PPARD: variants seen among roughly 807,000 people sequenced by gnomAD.
PPARD encodes the protein peroxisome proliferator-activated receptor delta.
A neutral mutation model predicts 39.5 loss-of-function variants in PPARD; 6 were observed. The ratio of observed to expected loss-of-function variants is 0.15; its 90% CI spans 0.08 to 0.30. PPARD has a LOEUF of 0.30. PPARD is among the 10% of genes least tolerant of loss of function. The probability of loss-of-function intolerance (pLI) is 1.00; values close to 1 mark genes in which losing one functional copy is unlikely to be tolerated. For missense variants in PPARD, 397 were observed against 596.8 expected (o/e 0.67, Z 3.49); for synonymous variants, 210 against 231.3 (o/e 0.91, Z 0.83).
intron 2 of PPARD, among the ~76,000 whole-genome samples, chr6:35,369,722 T>C (rs1353914432): frequency 6.6e-6 from 1 of 152,228 alleles, no homozygotes; most frequent in African/African-American, 2.4e-5. Flanking sequence ...TCTAATCTTA[T>C]TTAATCAGTC....
chr6:35,417,785 C>T (rs1376255838), intron 3 of PPARD, among the ~76,000 whole-genome samples: 2 of 152,236 alleles, frequency 1.3e-5, no homozygotes, highest in Admixed American at 6.5e-5. Flanking sequence ...CCGCGTCGGC[C>T]TCCCAAAGTG....
chr6:35,400,307 G>A (rs759224316), intron 2 of PPARD, among the ~76,000 whole-genome samples: 10 of 152,148 alleles, frequency 6.6e-5, no homozygotes, highest in Non-Finnish European at 2.9e-5. Context: ...ATTCACAGGC[G>A]AGCAAGAGCC....
intron 2 of PPARD, among the ~76,000 whole-genome samples, chr6:35,387,971 C>T (rs1763774088): frequency 6.6e-6 from 1 of 151,638 alleles, no homozygotes; most frequent in South Asian, 2.1e-4. Context: ...ATCTGCCCAC[C>T]TCGGCCTCCC....
In PPARD at chr6:35,424,204, G is replaced by A. The variant is rs544873669; in HGVS notation, c.627+56G>A. On this transcript the variant is annotated intron_variant, in intron 6 of 7. Coordinates refer to ENST00000360694, the MANE Select transcript of PPARD (RefSeq NM_006238.5). This position sits in a 1 kb window ranked among gnomAD's most constrained non-coding sequence, Gnocchi z 7.1. ...ATCCTGGGCTCTGGGTCCCACTGCCGCCTGCCTGACTCCGGGAGAGCCAGG... is the reference window on the plus strand; with the variant it reads ...ATCCTGGGCTCTGGGTCCCACTGCCACCTGCCTGACTCCGGGAGAGCCAGG... The A allele has an allele frequency of 1.9e-4, 298 of 1,600,834 alleles. No individual in the cohort carries two copies. The highest frequency in any genetic ancestry group is 3.3e-4 in the Middle Eastern group (2 of 6,026).
chr6:35,420,421 C>T (rs1766070819), intron 4 of PPARD, 140 bp downstream of exon 4: 1 of 1,197,708 alleles, frequency 8.3e-7, no homozygotes, highest in Non-Finnish European at 1.1e-6. Flanking sequence ...GCAGCCAGGC[C>T]CTTGTGCTCC....
At chr6:35,346,168 C>T (rs572414987) in intron 1 of PPARD, among the ~76,000 whole-genome samples, 1 of 152,270 alleles carries the variant, frequency 6.6e-6, no homozygotes, top group African/African-American at 2.4e-5. Context: ...CGTGAGCCAC[C>T]ACAACCAGCC....
chr6:35,416,397 A>C (rs1336593489), intron 3 of PPARD, among the ~76,000 whole-genome samples: 33 of 149,472 alleles, frequency 2.2e-4, no homozygotes, highest in African/African-American at 4.9e-4. Flanking sequence ...AAAAAAAAAA[A>C]AAAAAAAAAA....
chr6:35,422,804 C>T (rs959642784), intron 5 of PPARD, among the ~76,000 whole-genome samples: 3 of 152,110 alleles, frequency 2.0e-5, no homozygotes, highest in East Asian at 1.9e-4. Flanking sequence ...AAGTCGAATT[C>T]GTATCCTACT....
chr6:35,359,980 G>C (rs934415696), intron 2 of PPARD, among the ~76,000 whole-genome samples: 9 of 152,290 alleles, frequency 5.9e-5, no homozygotes, highest in African/African-American at 2.2e-4. Flanking sequence ...AGTTGTTCCA[G>C]TTTGGAAAGT....
chr6:35,360,404 A>G (rs994367684), intron 2 of PPARD, among the ~76,000 whole-genome samples: 27 of 152,340 alleles, frequency 1.8e-4, no homozygotes, highest in African/African-American at 6.3e-4. Flanking sequence ...TACCCCACGG[A>G]TGAGATCACC....
intron 2 of PPARD, among the ~76,000 whole-genome samples, chr6:35,353,292 G>T (rs977140267): frequency 6.6e-6 from 1 of 152,170 alleles, no homozygotes; most frequent in African/African-American, 2.4e-5. Context: ...ATAGGTAGGG[G>T]ACTGCAGTGG....
intron 2 of PPARD, among the ~76,000 whole-genome samples, chr6:35,393,387 G>A (rs951420963): frequency 6.6e-6 from 1 of 152,206 alleles, no homozygotes; most frequent in Non-Finnish European, 1.5e-5. Context: ...TCTCCTGCTA[G>A]GTGGGCTGAG....
chr6:35,356,161 C>T (rs1761602005), intron 2 of PPARD, among the ~76,000 whole-genome samples: 1 of 152,094 alleles, frequency 6.6e-6, no homozygotes, highest in African/African-American at 2.4e-5. Context: ...CTTAAGTTCA[C>T]TTCCATATCA....
chr6:35,355,429 G>A lies in PPARD; in HGVS notation c.-102+8279G>A, dbSNP rs992597112. On this transcript the variant is annotated intron_variant, in intron 2 of 7. Coordinates refer to ENST00000360694, the MANE Select transcript of PPARD (RefSeq NM_006238.5). ...TATCCAGGCGTGGTGGTACATGCCT[G>A]TAGTTCCTACTCCTTGGGGGGCTGA... 7.3e-5 allele frequency among the ~76,000 whole-genome samples: 11 copies of A among 151,716 alleles called. No homozygotes were observed. In the East Asian group the frequency reaches 2.1e-3, roughly 30 times the overall value.
chr6:35,396,133 C>T (rs1764298503), intron 2 of PPARD, among the ~76,000 whole-genome samples: 2 of 152,088 alleles, frequency 1.3e-5, no homozygotes, highest in South Asian at 4.1e-4. Flanking sequence ...TCCTACATTT[C>T]CCCTACCTAG....
chr6:35,417,983 C>T (rs1362608452), intron 3 of PPARD, among the ~76,000 whole-genome samples: 1 of 152,176 alleles, frequency 6.6e-6, no homozygotes, highest in Non-Finnish European at 1.5e-5. Flanking sequence ...TAGACACCTG[C>T]TGACCTTCCA....
chr6:35,355,985 A>C (rs1205261331), intron 2 of PPARD, among the ~76,000 whole-genome samples: 2 of 151,488 alleles, frequency 1.3e-5, no homozygotes, highest in Admixed American at 6.6e-5. Context: ...CTCCCCAGAA[A>C]AGTTCTTTCA....
chr6:35,365,416 A>T (rs1394278274), intron 2 of PPARD, among the ~76,000 whole-genome samples: 1 of 150,632 alleles, frequency 6.6e-6, no homozygotes, highest in Non-Finnish European at 1.5e-5. Context: ...CTGGGATTAC[A>T]GGTGTGAGCC....
At chr6:35,352,449 G>C (rs1761321550) in intron 2 of PPARD, among the ~76,000 whole-genome samples, 1 of 152,190 alleles carries the variant, frequency 6.6e-6, no homozygotes, top group African/African-American at 2.4e-5. Flanking sequence ...CTCCCAGAGT[G>C]CTGGGATTAC....
Sources: allele counts gnomAD v4.1 joint callset (sites outside exome capture counted in the v4.1 genomes callset), GRCh38; gene constraint gnomAD v4.1.1; non-coding constraint Gnocchi (gnomAD v3.1); transcripts MANE v1.5; gene names NCBI Gene and HGNC (gene_info 2026-07-23, HGNC 2026-07-21).